TMCO5A: variants seen among roughly 807,000 people sequenced by gnomAD.
TMCO5A encodes the protein transmembrane and coiled-coil domain-containing protein 5A.
Under a neutral mutation model 42.3 loss-of-function variants are expected in TMCO5A, and 34 were observed. The ratio of observed to expected loss-of-function variants is 0.80; its 90% CI spans 0.61 to 1.07. TMCO5A has a LOEUF of 1.07. TMCO5A is among the 50% of genes least tolerant of loss of function. TMCO5A has a pLI of 0.00. For synonymous variants in TMCO5A, 131 were observed against 115.6 expected (o/e 1.13, Z -0.86); for missense variants, 357 against 327.9 (o/e 1.09, Z -0.69).
chr15:37,944,861 AT>A (rs143005394), intron 10 of TMCO5A, among the ~76,000 whole-genome samples: 8 of 151,884 alleles, frequency 5.3e-5, no homozygotes, highest in Admixed American at 3.3e-4. Flanking sequence ...TCATCTTTAG[AT>A]TTTTTTTTCT....
chr15:37,969,613 T>G (rs1890635225), downstream of TMCO5A, among the ~76,000 whole-genome samples: 2 of 152,298 alleles, frequency 1.3e-5, no homozygotes, highest in South Asian at 4.1e-4. Context: ...ATAGGTAAAT[T>G]GCATGTCACA....
chr15:37,967,745 A>G (rs1255366602), downstream of TMCO5A: 1 of 152,194 alleles, frequency 6.6e-6, no homozygotes, highest in Non-Finnish European at 1.5e-5. Context: ...GATATATTTG[A>G]ACTCCTTCTT....
intron 6 of TMCO5A, among the ~76,000 whole-genome samples, chr15:37,939,486 G>T (rs1039346584): frequency 6.6e-6 from 1 of 152,030 alleles, no homozygotes; most frequent in Non-Finnish European, 1.5e-5. Context: ...TTTCTTCCAA[G>T]ATCACCTCTT....
At chr15:37,948,345 A>G (rs763266429) in intron 11 of TMCO5A, among the ~76,000 whole-genome samples, 6 of 152,268 alleles carry the variant, frequency 3.9e-5, no homozygotes, top group Non-Finnish European at 8.8e-5. Flanking sequence ...AAAGAAACAT[A>G]TATTCAAAAT....
Position 37,936,876 on chromosome 15 carries a change from G to C in TMCO5A, c.170G>C (p.Gly57Ala), listed in dbSNP as rs1348893959. 1.2e-6 allele frequency: 2 copies of C among 1,612,350 alleles called. No individual in the cohort carries two copies. The highest frequency in any genetic ancestry group is 1.7e-6 in the Non-Finnish European group (2 of 1,179,072). The change falls in exon 4 of 12, where the codon GGC becomes GCC. Residue 57 changes from glycine to alanine, a missense_variant. Coordinates refer to ENST00000319669, the MANE Select transcript of TMCO5A (RefSeq NM_152453.4). ...RLESEIIQTR[G>A]LVEDEEWEKE... ...GAAAGTGAGATCATTCAGACGCGGGGCCTGGTGGAAGATGAAGAGTGGGAG... is the reference window on the plus strand; with the variant it reads ...GAAAGTGAGATCATTCAGACGCGGGCCCTGGTGGAAGATGAAGAGTGGGAG...
the TMCO5A span, among the ~76,000 whole-genome samples, chr15:38,025,569 A>G: frequency 6.6e-6 from 1 of 152,222 alleles, no homozygotes; most frequent in East Asian, 1.9e-4. Context: ...AATATTTAAA[A>G]TATGTATTTT....
chr15:37,959,715 C>A (rs1890374689), intron 11 of TMCO5A, among the ~76,000 whole-genome samples: 2 of 151,944 alleles, frequency 1.3e-5, no homozygotes, highest in South Asian at 4.1e-4. Context: ...ATATGACAGA[C>A]CCACAGCTAG....
At chr15:37,943,147 T>C (rs12442643) in intron 9 of TMCO5A, 194 bp from the exon 10 acceptor site, 32,337 of 466,606 alleles carry the variant, frequency 0.069, 1,394 homozygotes, top group Admixed American at 0.15. Context: ...ATATGGCAAT[T>C]GAGTACATAA....
chr15:37,942,344 T>G (rs1028157482), intron 9 of TMCO5A, 89 bp downstream of exon 9: 3 of 1,317,124 alleles, frequency 2.3e-6, no homozygotes, highest in East Asian at 4.6e-5. Context: ...CAATTTCTAT[T>G]TGGAATTGAA....
rs1340651440 is a variant in TMCO5A at position 37,941,653 on chromosome 15, T to G, written c.445-18T>G. The G allele has an allele frequency of 6.3e-7, 1 of 1,583,698 alleles. No individual in the cohort carries two copies. Among genetic ancestry groups the G allele is most frequent in the Admixed American group, 1.7e-5 (1 of 59,806 alleles). On this transcript the variant is annotated intron_variant, in intron 7 of 11. Transcript: ENST00000319669. The stretch of plus-strand genomic sequence containing the variant: ...CAATTTACCGAAATATATTTACAAC[T>G]AAATTTTGATTTCCTAGGTAATGAA...
chr15:37,936,841 G>C lies in TMCO5A; in HGVS notation c.141-6G>C. 1 of 1,611,244 alleles carries C rather than the reference G, an allele frequency of 6.2e-7. No homozygotes were observed. On this transcript the variant is annotated splice_polypyrimidine_tract_variant and splice_region_variant and intron_variant, in intron 3 of 11. Coordinates refer to ENST00000319669, the MANE Select transcript of TMCO5A (RefSeq NM_152453.4). ...GGTCCTCATGGCATGTGCTTGTGTT[G>C]TCCAGGCTGGAAAGTGAGATCATTC... is the stretch of plus-strand genomic sequence containing the variant.
At chr15:38,023,579 G>A in the TMCO5A span, among the ~76,000 whole-genome samples, 1 of 152,286 alleles carries the variant, frequency 6.6e-6, no homozygotes, top group African/African-American at 2.4e-5. Context: ...ACTTTTCAAT[G>A]GTCAAGCAGA....
chr15:38,002,907 C>G, the TMCO5A span, among the ~76,000 whole-genome samples: 1 of 152,006 alleles, frequency 6.6e-6, no homozygotes, highest in Non-Finnish European at 1.5e-5. Context: ...AGTCTTGATG[C>G]TTGTAGATGT....
Position 37,951,278 on chromosome 15 carries a change from C to T in TMCO5A, c.*44C>T, listed in dbSNP as rs755070762. ...TGAGCAATAGAAGGGAAGTGGGATC[C>T]GAGCCTGTAGAAGGGAGGCATGAAA... is the stretch of plus-strand genomic sequence containing the variant. On this transcript the variant is annotated 3_prime_UTR_variant, in exon 12 of 12. Coordinates refer to ENST00000319669, the MANE Select transcript of TMCO5A (RefSeq NM_152453.4). The T allele has an allele frequency of 7.6e-6, 12 of 1,586,252 alleles. No homozygotes were observed. Among genetic ancestry groups the T allele is most frequent in the East Asian group, 2.2e-5 (1 of 44,486 alleles).
the TMCO5A span, among the ~76,000 whole-genome samples, chr15:37,989,902 A>T: frequency 3.3e-4 from 51 of 152,254 alleles, no homozygotes; most frequent in African/African-American, 1.1e-3. Context: ...TCCATTCATG[A>T]GGAGAGAGTT....
At chr15:38,005,843 A>C in the TMCO5A span, among the ~76,000 whole-genome samples, 12 of 152,242 alleles carry the variant, frequency 7.9e-5, no homozygotes, top group Non-Finnish European at 1.6e-4. Flanking sequence ...CCTGTGCAGC[A>C]GGGATGCAGC....
the TMCO5A span, among the ~76,000 whole-genome samples, chr15:38,009,663 C>T: frequency 6.6e-6 from 1 of 152,178 alleles, no homozygotes; most frequent in East Asian, 1.9e-4. Flanking sequence ...GAAAGCAACA[C>T]AGCAGAGCAG....
At position 37,962,626 on chromosome 15, in the gene TMCO5A, T is replaced by C. The variant is rs564805490; in HGVS notation, c.669-3999T>C. Among the ~76,000 whole-genome samples, 12 of 152,256 alleles carry C rather than the reference T, an allele frequency of 7.9e-5. No homozygotes were observed. In the South Asian group the frequency reaches 2.5e-3, roughly 32 times the overall value. On this transcript the variant is annotated intron_variant, in intron 11 of 11. Coordinates refer to the TMCO5A transcript ENST00000559502. ...TCAAAATGGTTGGTACCAATTCTTC[T>C]TTGAATGTCTTGTAGAATTCTTCTG...
At chr15:37,974,646 CTTTA>C in the TMCO5A span, among the ~76,000 whole-genome samples, 2 of 151,178 alleles carry the variant, frequency 1.3e-5, no homozygotes, top group African/African-American at 4.9e-5. Context: ...CTCTTTTTTT[CTTTA>C]TTTGTCTAGC....
Sources: allele counts gnomAD v4.1 joint callset (sites outside exome capture counted in the v4.1 genomes callset), GRCh38; gene constraint gnomAD v4.1.1; transcripts MANE v1.5; gene names NCBI Gene and HGNC (gene_info 2026-07-23, HGNC 2026-07-21).